PTPRT: variants seen among roughly 807,000 people sequenced by gnomAD.
PTPRT encodes the protein protein tyrosine phosphatase receptor type T, also known as receptor-type tyrosine-protein phosphatase T.
In PTPRT, 56 loss-of-function variants were observed where a neutral mutation model predicts 176.8. The observed-to-expected ratio is 0.32, with a 90% CI of 0.26 to 0.40. The LOEUF (loss-of-function observed/expected upper bound fraction) is 0.40. Among genes scored for constraint, PTPRT ranks in the 10% least tolerant of loss-of-function variants. The pLI is 1.00. For synonymous variants in PTPRT, 783 were observed against 739.0 expected (o/e 1.06, Z -0.96); for missense variants, 1,540 against 1,908.2 (o/e 0.81, Z 3.60).
At position 42,446,621 on chromosome 20, in the gene PTPRT, T is replaced by TGTGTGTGTGTGTGTGTGA. The variant is rs1491165117; in HGVS notation, c.1560+1598_1560+1599insTCACACACACACACACAC. Among the ~76,000 whole-genome samples, 6 of 130,160 alleles carry TGTGTGTGTGTGTGTGTGA rather than the reference T, an allele frequency of 4.6e-5. No homozygotes were observed. In the East Asian group the frequency reaches 1.4e-3, roughly 31 times the overall value. The allele number at this position is 130,160 out of a possible 152,430, so 85.4% of individuals were successfully genotyped here. A position where few individuals can be genotyped will look rare whatever the true frequency, so the allele number is the denominator to read the frequency against. On this transcript the variant is annotated intron_variant, in intron 9 of 30. Coordinates refer to ENST00000373187, the MANE Select transcript of PTPRT (RefSeq NM_007050.6). ...GTGTGTGTGTGTGTGTGTGTGTGTG[T>TGTGTGTGTGTGTGTGTGA]GAGAGAGAGAGAGAGATTGTGGTTT...
At position 42,998,824 on chromosome 20, in the gene PTPRT, T is replaced by C. The variant is rs185188325; in HGVS notation, c.89-112892A>G. On this transcript the variant is annotated intron_variant, in intron 1 of 30. Transcript: ENST00000373187. The stretch of plus-strand genomic sequence containing the variant: ...CTAAGACCGAGTGACTTGCCCACTG[T>C]CATATGGTTGGAATGAGAGGAACTT... Among the ~76,000 whole-genome samples, 56 of 152,304 alleles carry C rather than the reference T, an allele frequency of 3.7e-4. No individual in the cohort carries two copies. In the East Asian group the frequency reaches 9.5e-3, roughly 26 times the overall value.
chr20:42,750,673 T>C (rs1222124607), intron 6 of PTPRT, among the ~76,000 whole-genome samples: 1 of 152,152 alleles, frequency 6.6e-6, no homozygotes, highest in Non-Finnish European at 1.5e-5. Flanking sequence ...TAAATGGAGT[T>C]GAAAGATTGG....
chr20:42,103,776 T>C (rs1175114228), intron 25 of PTPRT, among the ~76,000 whole-genome samples: 1 of 152,196 alleles, frequency 6.6e-6, no homozygotes, highest in Non-Finnish European at 1.5e-5. Flanking sequence ...TTCACACCTG[T>C]TTGTATAAAT....
At chr20:42,507,828 A>G (rs1242365460) in intron 7 of PTPRT, among the ~76,000 whole-genome samples, 4 of 151,130 alleles carry the variant, frequency 2.6e-5, no homozygotes, top group Admixed American at 6.6e-5. Context: ...CCCAGGGATC[A>G]GGTAGAATTT....
intron 3 of PTPRT, among the ~76,000 whole-genome samples, chr20:42,781,162 A>G (rs765223386): frequency 1.4e-5 from 2 of 146,872 alleles, no homozygotes; most frequent in Non-Finnish European, 3.0e-5. Context: ...TTCTTATCTA[A>G]TCCTTGGATT....
chr20:43,129,599 G>A (rs978650729), intron 1 of PTPRT, among the ~76,000 whole-genome samples: 15 of 141,642 alleles, frequency 1.1e-4, no homozygotes, highest in African/African-American at 3.4e-4. Context: ...TCCCCTCCCC[G>A]ACTCCAAAGA....
intron 7 of PTPRT, among the ~76,000 whole-genome samples, chr20:42,497,856 A>G (rs2071682912): frequency 6.6e-6 from 1 of 152,184 alleles, no homozygotes; most frequent in Non-Finnish European, 1.5e-5. Context: ...AGCTGTGGTG[A>G]TCACTTCACA....
At chr20:42,964,754 T>C (rs192581853) in intron 1 of PTPRT, among the ~76,000 whole-genome samples, 2 of 152,294 alleles carry the variant, frequency 1.3e-5, no homozygotes, top group East Asian at 3.9e-4. Context: ...CAAAGAACCA[T>C]CACCAGATAA....
chr20:42,704,083 C>A (rs2076014919), intron 6 of PTPRT, among the ~76,000 whole-genome samples: 1 of 152,138 alleles, frequency 6.6e-6, no homozygotes, highest in African/African-American at 2.4e-5. Flanking sequence ...GTGCAAATCG[C>A]AAAATACCAT....
At chr20:42,434,787 C>A (rs996961346) in intron 9 of PTPRT, among the ~76,000 whole-genome samples, 6 of 144,070 alleles carry the variant, frequency 4.2e-5, no homozygotes, top group Non-Finnish European at 4.5e-5. Context: ...CAAGGTGAAA[C>A]CCCGTCTCTA....
At chr20:42,347,507 G>T (rs1054710199) in intron 11 of PTPRT, among the ~76,000 whole-genome samples, 1 of 152,054 alleles carries the variant, frequency 6.6e-6, no homozygotes, top group Non-Finnish European at 1.5e-5. Context: ...AATACCCCTG[G>T]GTTGCAAGAA....
At chr20:42,109,796 G>A (rs1986847377) in intron 23 of PTPRT, among the ~76,000 whole-genome samples, 1 of 152,210 alleles carries the variant, frequency 6.6e-6, no homozygotes, top group Non-Finnish European at 1.5e-5. Flanking sequence ...AGACCCAGCA[G>A]ATGCTGCCAG....
chr20:42,582,322 A>C (rs1428543522), intron 7 of PTPRT, among the ~76,000 whole-genome samples: 2 of 152,112 alleles, frequency 1.3e-5, no homozygotes, highest in African/African-American at 4.8e-5. Context: ...ATGAACCTCA[A>C]ACTCAGGGTT....
At chr20:42,874,067 G>A (rs760630062) in intron 2 of PTPRT, among the ~76,000 whole-genome samples, 7 of 152,154 alleles carry the variant, frequency 4.6e-5, no homozygotes, top group Non-Finnish European at 4.4e-5. Context: ...CCCTGCAGCA[G>A]CCCAATCGGT....
intron 1 of PTPRT, among the ~76,000 whole-genome samples, chr20:43,123,403 T>C (rs117578990): frequency 0.019 from 2,937 of 152,300 alleles, 43 homozygotes; most frequent in Non-Finnish European, 0.027. Context: ...TTTCCTTTCT[T>C]ATTGAGTGAC....
rs57265112 is a variant in PTPRT at position 42,754,185 on chromosome 20, C to CA, written c.859+2276dup. Among the ~76,000 whole-genome samples the CA allele has an allele frequency of 2.7e-5, 4 of 150,488 alleles. No individual in the cohort carries two copies. In the East Asian group the frequency reaches 6.2e-4, roughly 23 times the overall value. ...TACAAATATAATAATAATAAATCTT[C>CA]AAAAAAAATTTTTTTTTTGAGATGG... On this transcript the variant is annotated intron_variant, in intron 6 of 30. Coordinates refer to ENST00000373187, the MANE Select transcript of PTPRT (RefSeq NM_007050.6).
intron 7 of PTPRT, among the ~76,000 whole-genome samples, chr20:42,529,169 A>G (rs919467809): frequency 6.6e-6 from 1 of 152,228 alleles, no homozygotes; most frequent in Non-Finnish European, 1.5e-5. Flanking sequence ...GATGTCACGC[A>G]TGGTGCATAG....
chr20:43,189,518 T>G lies in PTPRT; in HGVS notation c.88+128A>C. On this transcript the variant is annotated intron_variant, in intron 1 of 30. Coordinates refer to ENST00000373187, the MANE Select transcript of PTPRT (RefSeq NM_007050.6). The surrounding 1 kb of genome is among the most constrained non-coding windows in gnomAD (Gnocchi z 5.0). The stretch of plus-strand genomic sequence containing the variant: ...CCGCGCCTGCAAGCTGAGACCCGGG[T>G]TCCGGCCATGGGGACCCGCGCCCCC... The G allele has an allele frequency of 2.0e-6, 1 of 501,552 alleles. No individual in the cohort carries two copies. The highest frequency in any genetic ancestry group is 2.9e-6 in the Non-Finnish European group (1 of 342,316). 31.1% of individuals were successfully genotyped at this position (501,552 alleles called of 1,614,324 possible). A position where few individuals can be genotyped will look rare whatever the true frequency, so the allele number is the denominator to read the frequency against.
chr20:42,914,887 AAAAATACATACC>A (rs1374636279), intron 1 of PTPRT, among the ~76,000 whole-genome samples: 3 of 152,114 alleles, frequency 2.0e-5, no homozygotes, highest in African/African-American at 7.2e-5. Flanking sequence ...TAAAAAAAAA[AAAAATACATACC>A]AAACATTGCA....
Sources: gnomAD v4.1 joint callset for allele counts (sites outside exome capture counted in the v4.1 genomes callset) on GRCh38, gnomAD v4.1.1 for gene constraint, Gnocchi (gnomAD v3.1) non-coding constraint, MANE v1.5 for transcripts, NCBI Gene and HGNC (gene_info 2026-07-23, HGNC 2026-07-21) for gene names.